Variants in SLC25A21 observed in about 807,000 individuals in gnomAD.
SLC25A21 encodes mitochondrial 2-oxodicarboxylate carrier.
Under a neutral mutation model 43.8 loss-of-function variants are expected in SLC25A21, and 47 were observed. That is an observed-to-expected ratio of 1.07 (90% CI 0.85 to 1.37). The LOEUF (loss-of-function observed/expected upper bound fraction) is 1.37. Among genes scored for constraint, SLC25A21 ranks in the 40% most tolerant of loss-of-function variants. The pLI is 0.00. For synonymous variants in SLC25A21, 131 were observed against 121.3 expected (o/e 1.08, Z -0.52); for missense variants, 352 against 350.2 (o/e 1.00, Z -0.04).
chr14:36,813,761 C>T (rs902558123), intron 3 of SLC25A21, among the ~76,000 whole-genome samples, 157 bp downstream of exon 3: 5 of 151,998 alleles, frequency 3.3e-5, no homozygotes, highest in Admixed American at 6.6e-5. Flanking sequence ...TATATATATC[C>T]AGTTTTCAAT....
chr14:36,728,998 T>C (rs905664686), intron 5 of SLC25A21, among the ~76,000 whole-genome samples: 2 of 152,236 alleles, frequency 1.3e-5, no homozygotes, highest in African/African-American at 4.8e-5. Context: ...ACATGAGATA[T>C]GTCATTGTAA....
At chr14:37,019,733 T>A (rs1315890740) in intron 1 of SLC25A21, among the ~76,000 whole-genome samples, 1 of 151,370 alleles carries the variant, frequency 6.6e-6, no homozygotes, top group Non-Finnish European at 1.5e-5. Flanking sequence ...AAAAGGGAAG[T>A]GAGTAACAAC....
intron 1 of SLC25A21, among the ~76,000 whole-genome samples, chr14:37,042,678 C>G (rs1160579608): frequency 1.3e-5 from 2 of 152,174 alleles, no homozygotes; most frequent in African/African-American, 4.8e-5. Flanking sequence ...CAGTGAACTT[C>G]TAAAAATCAA....
intron 1 of SLC25A21, among the ~76,000 whole-genome samples, chr14:36,893,317 TC>T (rs1310864651): frequency 6.6e-6 from 1 of 152,246 alleles, no homozygotes; most frequent in East Asian, 1.9e-4. Context: ...GAGCATTTTT[TC>T]ATGTGTCTGT....
intron 1 of SLC25A21, among the ~76,000 whole-genome samples, chr14:36,934,831 A>G (rs779890943): frequency 7.2e-5 from 11 of 152,162 alleles, no homozygotes; most frequent in Non-Finnish European, 1.5e-4. Flanking sequence ...ATACTTATTA[A>G]GCACTTAGTA....
intron 1 of SLC25A21, among the ~76,000 whole-genome samples, chr14:36,986,743 A>AT (rs996214193): frequency 3.3e-5 from 5 of 151,574 alleles, no homozygotes; most frequent in Admixed American, 2.6e-4. Context: ...TGGGGTGTTC[A>AT]TTTTTTTTAT....
intron 3 of SLC25A21, among the ~76,000 whole-genome samples, chr14:36,794,351 G>GA (rs1289331437): frequency 6.6e-6 from 1 of 152,100 alleles, no homozygotes; most frequent in Non-Finnish European, 1.5e-5. Context: ...GAATTTCAAT[G>GA]AGTCTTTTAA....
intron 6 of SLC25A21, among the ~76,000 whole-genome samples, chr14:36,716,863 G>T (rs1393660104): frequency 6.6e-6 from 1 of 152,138 alleles, no homozygotes; most frequent in Non-Finnish European, 1.5e-5. Context: ...CCATCTCTAA[G>T]GCCAAAGAAG....
At chr14:36,818,600 A>G (rs978938490) in intron 2 of SLC25A21, among the ~76,000 whole-genome samples, 4 of 152,176 alleles carry the variant, frequency 2.6e-5, no homozygotes, top group African/African-American at 9.7e-5. Flanking sequence ...TCTCACATAC[A>G]TCATGTCTAC....
chr14:37,121,976 CT>C (rs10706577), intron 1 of SLC25A21, among the ~76,000 whole-genome samples: 121,397 of 151,932 alleles, frequency 0.8, 51,342 homozygotes, highest in South Asian at 0.95. Context: ...CCCATCTCCC[CT>C]GATGATAGTC....
intron 1 of SLC25A21, among the ~76,000 whole-genome samples, chr14:37,164,743 T>A (rs762054898): frequency 6.6e-6 from 1 of 152,196 alleles, no homozygotes; most frequent in Admixed American, 6.5e-5. Flanking sequence ...ACATCCTATA[T>A]CTTTTTATTA....
chr14:37,040,373 G>GAGAAAGAAAGAAAGAAAGAAAGAA (rs767966979), intron 1 of SLC25A21, among the ~76,000 whole-genome samples: 6 of 20,944 alleles, frequency 2.9e-4, no homozygotes, highest in Non-Finnish European at 2.1e-4. Flanking sequence ...GAGAGAGAGA[G>GAGAAAGAAAGAAAGAAAGAAAGAA]AGAAAGAAAG....
At chr14:36,799,647 T>C (rs1199115790) in intron 3 of SLC25A21, among the ~76,000 whole-genome samples, 1 of 152,174 alleles carries the variant, frequency 6.6e-6, no homozygotes, top group African/African-American at 2.4e-5. Context: ...AGTTTATCTT[T>C]TAAAATAGAG....
chr14:37,143,280 T>C (rs1022246676), intron 1 of SLC25A21, among the ~76,000 whole-genome samples: 1 of 152,206 alleles, frequency 6.6e-6, no homozygotes, highest in Non-Finnish European at 1.5e-5. Context: ...TTAGTGAAGC[T>C]TGGTGAACTA....
intron 1 of SLC25A21, among the ~76,000 whole-genome samples, chr14:37,043,206 C>T (rs1261292447): frequency 6.6e-6 from 1 of 152,182 alleles, no homozygotes; most frequent in African/African-American, 2.4e-5. Flanking sequence ...GACCCATTTC[C>T]TCTATACAAA....
intron 1 of SLC25A21, among the ~76,000 whole-genome samples, chr14:37,071,785 A>G (rs1962178444): frequency 6.6e-6 from 1 of 152,240 alleles, no homozygotes; most frequent in African/African-American, 2.4e-5. Flanking sequence ...AGATGCAGTC[A>G]TTCCTCAAAT....
At chr14:36,863,097 G>A (rs1890119193) in intron 2 of SLC25A21, among the ~76,000 whole-genome samples, 1 of 152,106 alleles carries the variant, frequency 6.6e-6, no homozygotes, top group East Asian at 1.9e-4. Context: ...TCACTTTCCC[G>A]TGACAAAGAT....
chr14:36,942,079 C>T (rs1566757289), intron 1 of SLC25A21, among the ~76,000 whole-genome samples: 2 of 151,744 alleles, frequency 1.3e-5, no homozygotes, highest in African/African-American at 4.8e-5. Flanking sequence ...TTTTATTACA[C>T]GTGTTTAATT....
intron 3 of SLC25A21, among the ~76,000 whole-genome samples, chr14:36,782,745 T>C (rs950103310): frequency 1.5e-5 from 2 of 135,952 alleles, no homozygotes; most frequent in Admixed American, 8.8e-5. Context: ...AGGTGGGAAC[T>C]GAACAATGAG....
Sources: gnomAD v4.1 joint callset for allele counts (sites outside exome capture counted in the v4.1 genomes callset) on GRCh38, gnomAD v4.1.1 for gene constraint, MANE v1.5 for transcripts, NCBI Gene and HGNC (gene_info 2026-07-23, HGNC 2026-07-21) for gene names.